Variants in STAB2 observed in about 807,000 individuals in gnomAD.
The protein encoded by STAB2 is stabilin-2.
In STAB2, 288 loss-of-function variants were observed where a neutral mutation model predicts 338.1. The observed-to-expected ratio is 0.85, with a 90% CI of 0.77 to 0.94. The LOEUF (loss-of-function observed/expected upper bound fraction) is 0.94. STAB2 is among the 40% of genes least tolerant of loss of function. STAB2 has a pLI of 0.00. For synonymous variants in STAB2, 1,202 were observed against 1,193.3 expected, an observed-to-expected ratio of 1.01 and a Z score of -0.15; for missense variants, 3,141 against 3,210.1, an observed-to-expected ratio of 0.98 and a Z score of 0.52.
intron 25 of STAB2, among the ~76,000 whole-genome samples, chr12:103,680,720 C>T (rs995706908): frequency 2.0e-5 from 3 of 152,360 alleles, no homozygotes; most frequent in Non-Finnish European, 4.4e-5. Context: ...GGCCCTGCAC[C>T]TCACCCTGGG....
intron 3 of STAB2, among the ~76,000 whole-genome samples, chr12:103,616,811 G>A (rs1208621807): frequency 6.6e-6 from 1 of 151,124 alleles, no homozygotes; most frequent in Non-Finnish European, 1.5e-5. Flanking sequence ...CCTATAAAAA[G>A]CAAATAGAAG....
chr12:103,755,479 A>C lies in STAB2; in HGVS notation c.6880+12A>C. The stretch of plus-strand genomic sequence containing the variant: ...CTATCGGATGAAAGGTAACCGCCCC[A>C]GCTACACTTCAGGTTCTGGGCCACA... On this transcript the variant is annotated intron_variant, in intron 62 of 68. Coordinates refer to ENST00000388887, the MANE Select transcript of STAB2 (RefSeq NM_017564.10). 1 of 1,612,938 alleles carries C rather than the reference A, an allele frequency of 6.2e-7. No individual in the cohort carries two copies. Among genetic ancestry groups the C allele is most frequent in the East Asian group, 2.2e-5 (1 of 44,842 alleles).
chr12:103,588,581 GC>G (rs1956749016), intron 1 of STAB2, among the ~76,000 whole-genome samples: 1 of 152,108 alleles, frequency 6.6e-6, no homozygotes, highest in African/African-American at 2.4e-5. Flanking sequence ...ATTTAAATAA[GC>G]TGAATTTACT....
intron 22 of STAB2, among the ~76,000 whole-genome samples, chr12:103,673,049 G>A (rs1263594690): frequency 6.6e-6 from 1 of 152,150 alleles, no homozygotes; most frequent in Non-Finnish European, 1.5e-5. Flanking sequence ...CATGTGGAAG[G>A]CTGACCTAGT....
chr12:103,602,382 T>C (rs2138566769), intron 3 of STAB2, among the ~76,000 whole-genome samples: 1 of 152,332 alleles, frequency 6.6e-6, no homozygotes, highest in Admixed American at 6.5e-5. Context: ...GAAAGACATC[T>C]GGGTTTGTTT....
At position 103,733,047 on chromosome 12, in the gene STAB2, C is replaced by G. The variant is rs765228790; in HGVS notation, c.5325C>G (p.Thr1775=). The G allele has an allele frequency of 6.2e-7, 1 of 1,614,100 alleles. No individual in the cohort carries two copies. Among genetic ancestry groups the G allele is most frequent in the Non-Finnish European group, 8.5e-7 (1 of 1,179,998 alleles). The change falls in exon 51 of 69, where the codon ACC becomes ACG. Residue 1775 remains threonine, a synonymous_variant. Transcript: ENST00000388887. The part of the protein sequence containing the change: ...LLSVITDPIH[T]PVTLFWPTDQ... ...GTGTCATCACCGATCCCATCCACAC[C>G]CCAGTCACTCTCTTCTGGCCCACCG...
At chr12:103,716,187 T>A (rs183124020) in intron 43 of STAB2, among the ~76,000 whole-genome samples, 1 of 152,228 alleles carries the variant, frequency 6.6e-6, no homozygotes, top group African/African-American at 2.4e-5. Context: ...CCACTTTCTT[T>A]CAGCATTCTG....
At chr12:103,589,982 T>C (rs1345514378) in intron 1 of STAB2, among the ~76,000 whole-genome samples, 3 of 152,196 alleles carry the variant, frequency 2.0e-5, no homozygotes, top group African/African-American at 7.2e-5. Context: ...ATATAGAGTT[T>C]GACTCCAAAC....
At position 103,622,051 on chromosome 12, in the gene STAB2, G is replaced by T. The variant is rs1957310545; in HGVS notation, c.427G>T (p.Gly143Cys). The change falls in exon 5 of 69, where the codon GGT becomes TGT. Residue 143 changes from glycine (G) to cysteine (C), a missense_variant. Gly to Cys is a radical substitution (Grantham distance 159). Coordinates refer to ENST00000388887, the MANE Select transcript of STAB2 (RefSeq NM_017564.10). The part of the protein sequence containing the change: ...NGTCSCQEGF[G>C]GTACETCADD... Reference sequence around the variant, plus strand: ...CTGGGGTGTTTTGCAGGAAGGGTTTGGTGGAACAGCCTGTGAAACCTGTGC... The same window carrying T: ...CTGGGGTGTTTTGCAGGAAGGGTTTTGTGGAACAGCCTGTGAAACCTGTGC... 3 of 1,614,070 alleles carry T rather than the reference G, an allele frequency of 1.9e-6. No homozygotes were observed. In the African/African-American group the frequency reaches 4.0e-5, roughly 22 times the overall value.
intron 41 of STAB2, 25 bp downstream of exon 41, chr12:103,712,468 G>C (rs757839776): frequency 2.4e-5 from 39 of 1,592,030 alleles, no homozygotes; most frequent in East Asian, 2.0e-4. Flanking sequence ...GAATTTGCTG[G>C]GGGGGCTGGC....
chr12:103,609,471 T>C (rs1021543149), intron 3 of STAB2, among the ~76,000 whole-genome samples: 234 of 152,338 alleles, frequency 1.5e-3, no homozygotes, highest in African/African-American at 5.4e-3. Flanking sequence ...AGTTCACTCA[T>C]GATTTGGCTC....
At position 103,608,274 on chromosome 12, in the gene STAB2, G is replaced by A. The variant is rs1449250314; in HGVS notation, c.332-12194G>A. 1.1e-4 allele frequency among the ~76,000 whole-genome samples: 17 copies of A among 152,210 alleles called. No homozygotes were observed. In the East Asian group the frequency reaches 3.3e-3, roughly 29 times the overall value. ...CTGCCTCAGCCTCCTGAGTAGCTAG[G>A]ACTACAGGTGCCTGCCTCCAAGCCT... On this transcript the variant is annotated intron_variant, in intron 3 of 68. Coordinates refer to ENST00000388887, the MANE Select transcript of STAB2 (RefSeq NM_017564.10).
At chr12:103,724,044 C>T (rs1016719233) in intron 44 of STAB2, among the ~76,000 whole-genome samples, 9 of 151,982 alleles carry the variant, frequency 5.9e-5, no homozygotes, top group Admixed American at 1.3e-4. Flanking sequence ...GACACTGCCA[C>T]GGACGGCAAC....
chr12:103,688,089 A>G (rs1566016354), intron 27 of STAB2, 79 bp from the exon 28 acceptor site: 2 of 1,409,130 alleles, frequency 1.4e-6, no homozygotes, highest in South Asian at 1.2e-5. Flanking sequence ...CCAGAGATGC[A>G]CTGTGATTGC....
At chr12:103,762,127 A>G (rs776490864) in intron 66 of STAB2, 147 bp from the exon 67 acceptor site, 11 of 1,045,926 alleles carry the variant, frequency 1.1e-5, no homozygotes, top group Non-Finnish European at 1.5e-5. Flanking sequence ...AGGGTATTAG[A>G]CCCTGGCAGT....
At chr12:103,605,802 A>C (rs1431346740) in intron 3 of STAB2, among the ~76,000 whole-genome samples, 1 of 152,010 alleles carries the variant, frequency 6.6e-6, no homozygotes, top group African/African-American at 2.4e-5. Context: ...TCTTTTGACT[A>C]ATGTTAGTGT....
intron 58 of STAB2, 36 bp from the exon 59 acceptor site, chr12:103,748,927 G>T (rs763382285): frequency 4.4e-6 from 7 of 1,590,082 alleles, no homozygotes; most frequent in Non-Finnish European, 6.0e-6. Context: ...TCCACAGAAG[G>T]TGGTAAGTTG....
At chr12:103,698,960 T>C in intron 33 of STAB2, 136 bp from the exon 34 acceptor site, 1 of 1,097,002 alleles carries the variant, frequency 9.1e-7, no homozygotes, top group East Asian at 2.6e-5. Flanking sequence ...TATTGTGTCT[T>C]AATACCTCTG....
intron 38 of STAB2, 36 bp downstream of exon 38, chr12:103,707,023 G>A (rs757440761): frequency 3.7e-6 from 6 of 1,604,576 alleles, no homozygotes; most frequent in African/African-American, 1.3e-5. Context: ...ATCTTGGGCT[G>A]CTGAAACCAA....
Sources: gnomAD v4.1 joint callset for allele counts (sites outside exome capture counted in the v4.1 genomes callset) on GRCh38, gnomAD v4.1.1 for gene constraint, MANE v1.5 for transcripts, NCBI Gene and HGNC (gene_info 2026-07-23, HGNC 2026-07-21) for gene names.